Variants in KCNJ3 observed in about 807,000 individuals in gnomAD.
KCNJ3 encodes the protein potassium inwardly rectifying channel subfamily J member 3.
KCNJ3 carries 4 observed loss-of-function variants against 39.2 expected under a neutral mutation model. That is an observed-to-expected ratio of 0.10 (90% CI 0.05 to 0.23). KCNJ3 has a LOEUF of 0.23. Ranked by LOEUF, KCNJ3 falls within the 10% of genes least tolerant of loss-of-function variation. The pLI is 1.00. For missense variants in KCNJ3, 276 were observed against 634.9 expected (o/e 0.43, Z 6.08); for synonymous variants, 230 against 237.4 (o/e 0.97, Z 0.29).
At chr2:154,788,720 T>C (rs1053443995) in intron 2 of KCNJ3, among the ~76,000 whole-genome samples, 1 of 152,004 alleles carries the variant, frequency 6.6e-6, no homozygotes, top group African/African-American at 2.4e-5. Flanking sequence ...GCTGTTAAAA[T>C]TTCCATAGAT....
rs185033217 is a variant in KCNJ3 at position 154,857,348 on chromosome 2, A to G, written c.*2035A>G. On this transcript the variant is annotated 3_prime_UTR_variant, in exon 3 of 3. Coordinates refer to ENST00000295101, the MANE Select transcript of KCNJ3 (RefSeq NM_002239.4). ...TAATTTACTTTGGAGAGTCATTTTA[A>G]TTTGTCTTTGGTACCAAGGAGAAGA... is the stretch of plus-strand genomic sequence containing the variant. 3.3e-5 allele frequency: 5 copies of G among 152,260 alleles called. No homozygotes were observed. In the East Asian group the frequency reaches 7.8e-4, roughly 24 times the overall value. 9.4% of individuals were successfully genotyped at this position (152,260 alleles called of 1,614,324 possible). A position where few individuals can be genotyped will look rare whatever the true frequency, so the allele number is the denominator to read the frequency against.
intron 2 of KCNJ3, among the ~76,000 whole-genome samples, chr2:154,764,249 A>G (rs1435465642): frequency 2.0e-5 from 3 of 152,178 alleles, no homozygotes; most frequent in Admixed American, 6.5e-5. Context: ...CTCTGATTAT[A>G]TTTTTAGAAT....
intron 2 of KCNJ3, among the ~76,000 whole-genome samples, chr2:154,713,619 C>T (rs548328794): frequency 6.6e-6 from 1 of 152,204 alleles, no homozygotes; most frequent in African/African-American, 2.4e-5. Flanking sequence ...TTGTTGCCCT[C>T]CTTGCTTCAA....
intron 2 of KCNJ3, among the ~76,000 whole-genome samples, chr2:154,778,899 AC>A (rs1472919381): frequency 6.6e-6 from 1 of 152,014 alleles, no homozygotes; most frequent in Non-Finnish European, 1.5e-5. Context: ...GGGGGCTAAA[AC>A]TTTTTACGTT....
At chr2:154,747,728 A>C (rs1228565562) in intron 2 of KCNJ3, among the ~76,000 whole-genome samples, 2 of 152,098 alleles carry the variant, frequency 1.3e-5, no homozygotes, top group African/African-American at 2.4e-5. Flanking sequence ...ATGAAATTAG[A>C]GTTGTAGGTT....
intron 2 of KCNJ3, among the ~76,000 whole-genome samples, chr2:154,736,805 T>C (rs1280627664): frequency 6.6e-6 from 1 of 152,166 alleles, no homozygotes; most frequent in Non-Finnish European, 1.5e-5. Context: ...GGAAGTCCAG[T>C]GATTCCTGAG....
intron 2 of KCNJ3, among the ~76,000 whole-genome samples, chr2:154,776,203 T>C (rs1686331931): frequency 6.6e-6 from 1 of 152,076 alleles, no homozygotes; most frequent in Non-Finnish European, 1.5e-5. Flanking sequence ...GGTTTCTCCA[T>C]GTTGGGCAGG....
At chr2:154,731,606 T>G (rs1484671063) in intron 2 of KCNJ3, among the ~76,000 whole-genome samples, 1 of 152,050 alleles carries the variant, frequency 6.6e-6, no homozygotes, top group Non-Finnish European at 1.5e-5. Flanking sequence ...CTCATGCTTT[T>G]TTGTTTATAA....
chr2:154,807,211 G>T (rs2652450), intron 2 of KCNJ3, among the ~76,000 whole-genome samples: 79,196 of 151,882 alleles, frequency 0.52, 21,128 homozygotes, highest in Non-Finnish European at 0.59. Flanking sequence ...GAGGACTACA[G>T]GATTGATTAG....
rs2105142681 is a variant in KCNJ3 at position 154,699,042 on chromosome 2, C to T, written c.267C>T (p.Leu89=). The change falls in exon 1 of 3, where the codon CTC becomes CTT. Residue 89 remains leucine, a synonymous_variant. Transcript: ENST00000295101. The surrounding 1 kb of genome is among the most constrained non-coding windows in gnomAD (Gnocchi z 6.4). ...GCTGGAACCTCTTCATCTTCATTCT[C>T]ACCTACACCGTGGCCTGGCTTTTCA... ...KWRWNLFIFI[L]TYTVAWLFMA... 1.2e-6 allele frequency: 2 copies of T among 1,614,240 alleles called. No homozygotes were observed. Among genetic ancestry groups the T allele is most frequent in the Non-Finnish European group, 1.7e-6 (2 of 1,180,040 alleles).
In KCNJ3 at chr2:154,699,487, C is replaced by T. The variant is rs1341061165; in HGVS notation, c.702+10C>T. On this transcript the variant is annotated intron_variant, in intron 1 of 2. Coordinates refer to ENST00000295101, the MANE Select transcript of KCNJ3 (RefSeq NM_002239.4). The surrounding 1 kb of genome is among the most constrained non-coding windows in gnomAD (Gnocchi z 6.4). Reference sequence around the variant, plus strand: ...CTGCAAGCTGCTCAAAGTAAGTGCTCCCCGCCCCTTCCCCACCGGGAGACC... The same window carrying T: ...CTGCAAGCTGCTCAAAGTAAGTGCTTCCCGCCCCTTCCCCACCGGGAGACC... 6.4e-7 allele frequency: 1 copy of T among 1,563,540 alleles called. No individual in the cohort carries two copies. The highest frequency in any genetic ancestry group is 1.3e-5 in the African/African-American group (1 of 74,200).
At chr2:154,834,932 T>G (rs938146444) in intron 2 of KCNJ3, among the ~76,000 whole-genome samples, 1 of 143,474 alleles carries the variant, frequency 7.0e-6, no homozygotes, top group Non-Finnish European at 1.5e-5. Flanking sequence ...AATTATAGCT[T>G]TATGAATTAT....
intron 2 of KCNJ3, among the ~76,000 whole-genome samples, chr2:154,727,234 TCTTA>T (rs1299485620): frequency 1.3e-5 from 2 of 151,950 alleles, no homozygotes; most frequent in African/African-American, 2.4e-5. Context: ...ATTTTTATTA[TCTTA>T]CTTGTAATCT....
intron 2 of KCNJ3, among the ~76,000 whole-genome samples, chr2:154,717,792 T>C (rs1685206093): frequency 6.6e-6 from 1 of 152,222 alleles, no homozygotes; most frequent in South Asian, 2.1e-4. Context: ...AATTTTCCTC[T>C]CTTAATGATT....
intron 2 of KCNJ3, among the ~76,000 whole-genome samples, chr2:154,819,825 G>C (rs964839610): frequency 2.0e-5 from 3 of 151,676 alleles, no homozygotes; most frequent in Non-Finnish European, 2.9e-5. Context: ...CACCACTCCC[G>C]GATACAACAC....
intron 2 of KCNJ3, among the ~76,000 whole-genome samples, chr2:154,735,285 T>G (rs150827489): frequency 0.017 from 2,548 of 151,418 alleles, 45 homozygotes; most frequent in East Asian, 0.1. Context: ...TTTTTTTTTT[T>G]TTGTATTTTT....
At chr2:154,795,966 T>C (rs1452782605) in intron 2 of KCNJ3, among the ~76,000 whole-genome samples, 2 of 152,120 alleles carry the variant, frequency 1.3e-5, no homozygotes, top group African/African-American at 4.8e-5. Flanking sequence ...AATATCCTTG[T>C]AGAATAGTTC....
Position 154,699,982 on chromosome 2 carries a change from G to A in KCNJ3, c.702+505G>A, listed in dbSNP as rs147073137. The stretch of plus-strand genomic sequence containing the variant: ...CTTTTTTTCCCCCTAATAATATTAG[G>A]AGGCGGATTACTCCTCTGGACCCAA... On this transcript the variant is annotated intron_variant, in intron 1 of 2. Transcript: ENST00000295101. This position sits in a 1 kb window ranked among gnomAD's most constrained non-coding sequence, Gnocchi z 6.4. Among the ~76,000 whole-genome samples the A allele has an allele frequency of 2.6e-5, 4 of 151,940 alleles. No individual in the cohort carries two copies. The highest frequency in any genetic ancestry group is 4.8e-5 in the African/African-American group (2 of 41,340).
chr2:154,808,883 C>T (rs1326553477), intron 2 of KCNJ3, among the ~76,000 whole-genome samples: 1 of 152,036 alleles, frequency 6.6e-6, no homozygotes, highest in Non-Finnish European at 1.5e-5. Flanking sequence ...AAGACCATGC[C>T]AATTCTTAAT....
Sources: allele counts gnomAD v4.1 joint callset (sites outside exome capture counted in the v4.1 genomes callset), GRCh38; gene constraint gnomAD v4.1.1; non-coding constraint Gnocchi (gnomAD v3.1); transcripts MANE v1.5; gene names NCBI Gene and HGNC (gene_info 2026-07-23, HGNC 2026-07-21).